BNC2: variants seen among roughly 807,000 people sequenced by gnomAD.
The protein encoded by BNC2 is zinc finger protein basonuclin-2.
A neutral mutation model predicts 76.3 loss-of-function variants in BNC2; 20 were observed. That is an observed-to-expected ratio of 0.26 (90% CI 0.18 to 0.38). BNC2 has a LOEUF of 0.38. Ranked by LOEUF, BNC2 falls within the 10% of genes least tolerant of loss-of-function variation. The probability of loss-of-function intolerance (pLI) is 1.00; values close to 1 mark genes in which losing one functional copy is unlikely to be tolerated. For synonymous variants in BNC2, 582 were observed against 514.8 expected (o/e 1.13, Z -1.77); for missense variants, 1,382 against 1,399.8 (o/e 0.99, Z 0.20).
intron 3 of BNC2, among the ~76,000 whole-genome samples, chr9:16,690,870 TG>T (rs919605237): frequency 6.6e-6 from 1 of 151,966 alleles, no homozygotes; most frequent in Non-Finnish European, 1.5e-5. Context: ...GGGTGCGGGG[TG>T]GAGCAGGCAC....
intron 5 of BNC2, among the ~76,000 whole-genome samples, chr9:16,530,733 G>C (rs1016889317): frequency 2.6e-5 from 4 of 152,228 alleles, no homozygotes; most frequent in African/African-American, 7.2e-5. Context: ...TGTGTGGGCA[G>C]AACTTCTGGT....
intron 5 of BNC2, among the ~76,000 whole-genome samples, chr9:16,544,778 C>T (rs1311241949): frequency 2.0e-5 from 3 of 150,700 alleles, no homozygotes; most frequent in Non-Finnish European, 2.9e-5. Context: ...TCACTGCACT[C>T]CAGCCTGGGA....
At chr9:16,747,817 C>T (rs7874791) in intron 1 of BNC2, among the ~76,000 whole-genome samples, 142,678 of 152,314 alleles carry the variant, frequency 0.94, 66,912 homozygotes, top group East Asian at 0.99. Flanking sequence ...GGGCTTCCTA[C>T]TTGACTTGGC....
At chr9:16,782,788 T>C (rs1024019163) in intron 1 of BNC2, among the ~76,000 whole-genome samples, 20 of 152,204 alleles carry the variant, frequency 1.3e-4, no homozygotes, top group African/African-American at 4.3e-4. Flanking sequence ...CAGAAACGTC[T>C]ACCTTTTGTT....
At chr9:16,686,661 G>C (rs1034186051) in intron 3 of BNC2, among the ~76,000 whole-genome samples, 1 of 152,054 alleles carries the variant, frequency 6.6e-6, no homozygotes, top group Non-Finnish European at 1.5e-5. Context: ...GCTTTGTTCA[G>C]ACATCAGTTT....
At chr9:16,856,817 C>T (rs1343359209) in intron 1 of BNC2, among the ~76,000 whole-genome samples, 1 of 152,116 alleles carries the variant, frequency 6.6e-6, no homozygotes, top group Non-Finnish European at 1.5e-5. Context: ...CAGAAGCCTA[C>T]CTGTTAGCAT....
intron 1 of BNC2, among the ~76,000 whole-genome samples, chr9:16,820,016 T>A (rs1818280829): frequency 6.8e-6 from 1 of 147,286 alleles, no homozygotes; most frequent in African/African-American, 2.5e-5. Context: ...TCCCAGCTAC[T>A]CAGGAGGCTG....
intron 1 of BNC2, among the ~76,000 whole-genome samples, chr9:16,778,894 T>C (rs1478122231): frequency 6.6e-6 from 1 of 151,968 alleles, no homozygotes; most frequent in Non-Finnish European, 1.5e-5. Context: ...GCAGGTTATG[T>C]TAAAGACTTC....
At chr9:16,459,452 G>C (rs1044428184) in intron 5 of BNC2, among the ~76,000 whole-genome samples, 1 of 152,128 alleles carries the variant, frequency 6.6e-6, no homozygotes, top group African/African-American at 2.4e-5. Flanking sequence ...TGGTGGGTGG[G>C]ATTCGAAGGC....
intron 3 of BNC2, among the ~76,000 whole-genome samples, chr9:16,675,409 A>G (rs1822609989): frequency 6.6e-6 from 1 of 152,032 alleles, no homozygotes; most frequent in Non-Finnish European, 1.5e-5. Flanking sequence ...ACATGTCACC[A>G]CACCCAGCTA....
chr9:16,426,401 G>A (rs1820804968), intron 6 of BNC2, among the ~76,000 whole-genome samples: 1 of 149,404 alleles, frequency 6.7e-6, no homozygotes. Flanking sequence ...CTGGCCTCCA[G>A]CAATCTGCCT....
At position 16,725,442 on chromosome 9, in the gene BNC2, G is replaced by C. The variant is rs552424722; in HGVS notation, c.330+2355C>G. 9.2e-5 allele frequency among the ~76,000 whole-genome samples: 14 copies of C among 152,032 alleles called. No individual in the cohort carries two copies. In the South Asian group the frequency reaches 1.0e-3, roughly 11 times the overall value. ...TTACATGCTTTCCAAAAATGCACAA[G>C]AGGTAAACATTCAGTGACCATGACA... On this transcript the variant is annotated intron_variant, in intron 3 of 6. Coordinates refer to ENST00000380672, the MANE Select transcript of BNC2 (RefSeq NM_017637.6).
intron 1 of BNC2, among the ~76,000 whole-genome samples, chr9:16,808,987 A>G (rs1294419939): frequency 1.3e-5 from 2 of 152,156 alleles, no homozygotes; most frequent in African/African-American, 4.8e-5. Context: ...CCATACTGAG[A>G]AGAGAGGCTC....
intron 5 of BNC2, among the ~76,000 whole-genome samples, chr9:16,524,928 G>T (rs1016700872): frequency 2.0e-5 from 3 of 152,014 alleles, no homozygotes; most frequent in African/African-American, 4.8e-5. Flanking sequence ...ACAAAAATTA[G>T]CTGGGTGTGG....
At chr9:16,498,021 GTATTCCACCATATATA>G (rs1822430087) in intron 5 of BNC2, among the ~76,000 whole-genome samples, 2 of 143,032 alleles carry the variant, frequency 1.4e-5, no homozygotes, top group African/African-American at 5.4e-5. Flanking sequence ...GTGTGTGTAT[GTATTCCACCATATATA>G]TATTCCATCA....
At chr9:16,462,550 CCTAT>C (rs1461512161) in intron 5 of BNC2, among the ~76,000 whole-genome samples, 5 of 152,058 alleles carry the variant, frequency 3.3e-5, no homozygotes, top group African/African-American at 1.2e-4. Flanking sequence ...GAAAAAAAGC[CCTAT>C]CTAACACCAG....
intron 4 of BNC2, among the ~76,000 whole-genome samples, chr9:16,568,869 TG>T (rs1468853617): frequency 6.6e-6 from 1 of 152,126 alleles, no homozygotes; most frequent in African/African-American, 2.4e-5. Context: ...TCACTACTTC[TG>T]GGGGAAAGAA....
At chr9:16,459,451 G>T (rs1474943413) in intron 5 of BNC2, among the ~76,000 whole-genome samples, 1 of 152,056 alleles carries the variant, frequency 6.6e-6, no homozygotes, top group South Asian at 2.1e-4. Context: ...GTGGTGGGTG[G>T]GATTCGAAGG....
chr9:16,802,115 A>C (rs1193397422), intron 1 of BNC2, among the ~76,000 whole-genome samples: 2 of 152,230 alleles, frequency 1.3e-5, no homozygotes, highest in Non-Finnish European at 2.9e-5. Flanking sequence ...CATAGCTATC[A>C]TTCATTTCTT....
Sources: gnomAD v4.1 joint callset for allele counts (sites outside exome capture counted in the v4.1 genomes callset) on GRCh38, gnomAD v4.1.1 for gene constraint, MANE v1.5 for transcripts, NCBI Gene and HGNC (gene_info 2026-07-23, HGNC 2026-07-21) for gene names.